GRIK1: variants seen among roughly 807,000 people sequenced by gnomAD.
The protein encoded by GRIK1 is glutamate ionotropic receptor kainate type subunit 1, also known as glutamate receptor ionotropic, kainate 1.
GRIK1 carries 69 observed loss-of-function variants against 105.7 expected under a neutral mutation model. The observed-to-expected ratio is 0.65, with a 90% confidence interval of 0.54 to 0.80. The LOEUF is 0.80. Ranked by LOEUF, GRIK1 falls within the 30% of genes least tolerant of loss-of-function variation. GRIK1 has a pLI of 0.00. For missense variants in GRIK1, 1,109 were observed against 1,167.3 expected, an observed-to-expected ratio of 0.95 and a Z score of 0.73; for synonymous variants, 438 against 431.3, an observed-to-expected ratio of 1.02 and a Z score of -0.19.
At chr21:29,870,407 T>C (rs1569177168) in intron 1 of GRIK1, among the ~76,000 whole-genome samples, 3 of 151,994 alleles carry the variant, frequency 2.0e-5, no homozygotes, top group Non-Finnish European at 2.9e-5. Context: ...TTTGTTAGCA[T>C]TATACTTACT....
At position 29,642,907 on chromosome 21, in the gene GRIK1, G is replaced by A. The variant is rs1447905230; in HGVS notation, c.1017C>T (p.Ser339=). ...ACTGCAGGGAGCTGACGGTCAGCTG[G>A]GATGCCCGGTGCGAGGCAATGGCCA... is the stretch of plus-strand genomic sequence containing the variant. ...YMVAIASHRA[S]QLTVSSLQCH... The change falls in exon 7 of 18, where the codon TCC becomes TCT. Residue 339 remains serine (S), a synonymous_variant. Coordinates refer to ENST00000327783, the MANE Select transcript of GRIK1 (RefSeq NM_001330994.2). The A allele has an allele frequency of 6.2e-7, 1 of 1,613,260 alleles. No individual in the cohort carries two copies. The highest frequency in any genetic ancestry group is 1.7e-5 in the Admixed American group (1 of 60,022).
At chr21:29,580,383 T>G (rs373017101) in intron 13 of GRIK1, among the ~76,000 whole-genome samples, 1 of 152,204 alleles carries the variant, frequency 6.6e-6, no homozygotes, top group East Asian at 1.9e-4. Context: ...GCATCTATAC[T>G]TATTTAGCAG....
intron 16 of GRIK1, among the ~76,000 whole-genome samples, chr21:29,538,210 T>C (rs137965861): frequency 2.3e-4 from 35 of 152,318 alleles, no homozygotes; most frequent in Non-Finnish European, 4.6e-4. Context: ...GAAAAATTCC[T>C]GCTCAGAGAA....
intron 1 of GRIK1, among the ~76,000 whole-genome samples, chr21:29,720,109 A>G (rs111634771): frequency 4.6e-5 from 7 of 152,232 alleles, no homozygotes; most frequent in Non-Finnish European, 7.3e-5. Flanking sequence ...AAAGAAGAAC[A>G]TTATTTATCC....
At chr21:29,803,166 C>T (rs1285146175) in intron 1 of GRIK1, among the ~76,000 whole-genome samples, 2 of 152,078 alleles carry the variant, frequency 1.3e-5, no homozygotes, top group Non-Finnish European at 2.9e-5. Flanking sequence ...ACCATAACTC[C>T]ATCCTCCCGG....
Position 29,642,995 on chromosome 21 carries a change from C to G in GRIK1, c.955-26G>C, listed in dbSNP as rs370257502. 14 of 1,606,566 alleles carry G rather than the reference C, an allele frequency of 8.7e-6. No individual in the cohort carries two copies. The African/African-American group carries it at 1.9e-4, about 21-fold the overall frequency. On this transcript the variant is annotated intron_variant, in intron 6 of 17. Transcript: ENST00000327783. ...CTGTGGAGGAAAACACACACCGCAT[C>G]TTAAATTCCACTTTTGCTTACCTTC... is the stretch of plus-strand genomic sequence containing the variant.
chr21:29,658,727 G>T (rs964068893), intron 4 of GRIK1, among the ~76,000 whole-genome samples: 1 of 152,174 alleles, frequency 6.6e-6, no homozygotes, highest in Non-Finnish European at 1.5e-5. Flanking sequence ...TAGTGTGGAC[G>T]TCATTAGTAC....
intron 9 of GRIK1, chr21:29,596,169 A>G: frequency 2.7e-6 from 1 of 375,024 alleles, no homozygotes; most frequent in South Asian, 2.2e-5. Context: ...TATCCCCCTT[A>G]AGGAAAATAT....
intron 17 of GRIK1, among the ~76,000 whole-genome samples, 170 bp from the exon 18 acceptor site, chr21:29,537,555 T>C (rs1257517987): frequency 6.6e-6 from 1 of 152,076 alleles, no homozygotes; most frequent in African/African-American, 2.4e-5. Context: ...ACCCACCTTT[T>C]CTAATCGGGG....
intron 7 of GRIK1, among the ~76,000 whole-genome samples, chr21:29,621,865 A>G (rs2062011684): frequency 6.6e-6 from 1 of 152,192 alleles, no homozygotes; most frequent in African/African-American, 2.4e-5. Flanking sequence ...GGTCACATGG[A>G]TTCTCTAATT....
rs774040956 is a variant in GRIK1, at chr21:29,579,196, T to C, written c.1913-2015A>G. 4.6e-4 allele frequency among the ~76,000 whole-genome samples: 70 copies of C among 152,228 alleles called. 1 individual carries two copies. The highest frequency in any genetic ancestry group is 8.4e-4 in the Non-Finnish European group (57 of 68,028). On this transcript the variant is annotated intron_variant, in intron 13 of 17. Coordinates refer to ENST00000327783, the MANE Select transcript of GRIK1 (RefSeq NM_001330994.2). ...AATGTTAATAGAAACGTATTGAGAT[T>C]ACATTTTAAACCCTTGTTAGATGGC...
intron 1 of GRIK1, among the ~76,000 whole-genome samples, chr21:29,808,361 G>T (rs946634509): frequency 2.6e-5 from 4 of 152,148 alleles, no homozygotes; most frequent in African/African-American, 9.7e-5. Context: ...TGTAGTGAGT[G>T]GGCTTGCCTC....
chr21:29,810,692 A>G (rs2066987198), intron 1 of GRIK1, among the ~76,000 whole-genome samples: 1 of 152,158 alleles, frequency 6.6e-6, no homozygotes, highest in African/African-American at 2.4e-5. Context: ...GGAATTTAAC[A>G]CAGCATTGGT....
chr21:29,674,062 GTT>G (rs67796581), intron 3 of GRIK1, among the ~76,000 whole-genome samples: 1 of 143,466 alleles, frequency 7.0e-6, no homozygotes, highest in Non-Finnish European at 1.5e-5. Flanking sequence ...GAAAAATTGA[GTT>G]TTTTTTTTTG....
At chr21:29,800,658 T>C (rs2066681316) in intron 1 of GRIK1, among the ~76,000 whole-genome samples, 1 of 152,250 alleles carries the variant, frequency 6.6e-6, no homozygotes, top group Non-Finnish European at 1.5e-5. Flanking sequence ...ACCAACCCGT[T>C]CACGCATTAG....
At chr21:29,553,484 C>T in intron 16 of GRIK1, 1 of 1,461,506 alleles carries the variant, frequency 6.8e-7, no homozygotes, top group Non-Finnish European at 9.0e-7. Flanking sequence ...TTAGCAAATA[C>T]AAATATCAAC....
chr21:29,595,839 A>G (rs115050616), intron 9 of GRIK1, among the ~76,000 whole-genome samples: 3 of 152,228 alleles, frequency 2.0e-5, no homozygotes, highest in East Asian at 3.8e-4. Flanking sequence ...ATTTGCTTAC[A>G]TAAATCTATG....
chr21:29,585,143 A>G lies in GRIK1; in HGVS notation c.1793+2223T>C, dbSNP rs1039285367. Among the ~76,000 whole-genome samples the G allele has an allele frequency of 8.5e-5, 13 of 152,258 alleles. No individual in the cohort carries two copies. In the Middle Eastern group the frequency reaches 0.01, roughly 120 times the overall value. ...AGAGGAGACAAGAAGAATAAGCTAA[A>G]TAAGGGAGGACTGGCTTATAAATGA... is the stretch of plus-strand genomic sequence containing the variant. On this transcript the variant is annotated intron_variant, in intron 12 of 17. Transcript: ENST00000327783.
intron 1 of GRIK1, among the ~76,000 whole-genome samples, chr21:29,725,776 C>T (rs1276046332): frequency 6.6e-6 from 1 of 152,132 alleles, no homozygotes; most frequent in African/African-American, 2.4e-5. Flanking sequence ...ACCAGGAGAA[C>T]AAAACTTGAG....
Sources: allele counts gnomAD v4.1 joint callset (sites outside exome capture counted in the v4.1 genomes callset), GRCh38; gene constraint gnomAD v4.1.1; transcripts MANE v1.5; gene names NCBI Gene and HGNC (gene_info 2026-07-23, HGNC 2026-07-21).